Variants in CLASP1 observed in about 807,000 individuals in gnomAD.
CLASP1 encodes the protein CLIP-associating protein 1.
A neutral mutation model predicts 192.3 loss-of-function variants in CLASP1; 38 were observed. The ratio of observed to expected loss-of-function variants is 0.20; its 90% CI spans 0.15 to 0.26. CLASP1 has a LOEUF of 0.26. Ranked by LOEUF, CLASP1 falls within the 10% of genes least tolerant of loss-of-function variation. The pLI, the probability that CLASP1 is intolerant of heterozygous loss-of-function variation, is 1.00. For missense variants in CLASP1, 1,433 were observed against 1,932.5 expected (o/e 0.74, Z 4.85); for synonymous variants, 691 against 712.8 (o/e 0.97, Z 0.49).
At position 121,407,461 on chromosome 2, in the gene CLASP1, T is replaced by C; in HGVS notation, c.2669+10A>G. 3 of 1,613,624 alleles carry C rather than the reference T, an allele frequency of 1.9e-6. No individual in the cohort carries two copies. The South Asian group carries it at 3.3e-5, about 18-fold the overall frequency. On this transcript the variant is annotated intron_variant, in intron 25 of 39. Coordinates refer to ENST00000263710, the Ensembl canonical transcript of CLASP1. ...TCAAACTTAGCTCATATTCTTGCTG[T>C]GGTCCTCACCTCAGTGTTCTTTGGC...
chr2:121,571,815 T>C (rs1379317339), intron 2 of CLASP1, among the ~76,000 whole-genome samples: 1 of 152,190 alleles, frequency 6.6e-6, no homozygotes, highest in Admixed American at 6.5e-5. Flanking sequence ...AAGAATGGCA[T>C]GTTTAGGACA....
intron 8 of CLASP1, among the ~76,000 whole-genome samples, chr2:121,493,172 C>T (rs1329045689): frequency 6.6e-6 from 1 of 152,116 alleles, no homozygotes; most frequent in Non-Finnish European, 1.5e-5. Context: ...CCACAAAAGA[C>T]TCAGAATAGC....
intron 1 of CLASP1, among the ~76,000 whole-genome samples, chr2:121,631,937 C>T (rs2069746777): frequency 6.6e-6 from 1 of 151,998 alleles, no homozygotes; most frequent in African/African-American, 2.4e-5. Context: ...ATCCCAGCTA[C>T]TCGGGAGGCT....
chr2:121,611,797 G>A (rs1295564044), intron 1 of CLASP1, among the ~76,000 whole-genome samples: 1 of 149,306 alleles, frequency 6.7e-6, no homozygotes, highest in African/African-American at 2.5e-5. Flanking sequence ...AGAGGAACTG[G>A]AGGATGATGA....
At chr2:121,402,803 A>C (rs1177965172) in intron 26 of CLASP1, 1 of 386,488 alleles carries the variant, frequency 2.6e-6, no homozygotes, top group African/African-American at 2.1e-5. Flanking sequence ...AATCTTGATA[A>C]ATTTTATCTT....
chr2:121,594,614 A>G (rs561778532), intron 2 of CLASP1, among the ~76,000 whole-genome samples: 2 of 152,138 alleles, frequency 1.3e-5, no homozygotes, highest in South Asian at 2.1e-4. Flanking sequence ...AATGGTCTCC[A>G]TCTCCTGACC....
chr2:121,644,541 G>C (rs2072776898), intron 1 of CLASP1, among the ~76,000 whole-genome samples: 1 of 152,118 alleles, frequency 6.6e-6, no homozygotes. Context: ...GTAGTCCCAA[G>C]CTACTCAGGA....
intron 20 of CLASP1, 71 bp downstream of exon 20, chr2:121,430,001 TA>T (rs2149640537): frequency 2.6e-6 from 3 of 1,172,312 alleles, no homozygotes; most frequent in Non-Finnish European, 3.7e-6. Context: ...ATAGAGATTG[TA>T]AAATGTTCAA....
At chr2:121,385,022 T>C (rs758338003) in intron 32 of CLASP1, among the ~76,000 whole-genome samples, 8 of 152,194 alleles carry the variant, frequency 5.3e-5, no homozygotes, top group Non-Finnish European at 1.0e-4. Context: ...TTAAGAGCAA[T>C]GCTCAGAAAA....
chr2:121,589,033 T>C (rs561766023), intron 2 of CLASP1, among the ~76,000 whole-genome samples: 2 of 152,046 alleles, frequency 1.3e-5, no homozygotes, highest in South Asian at 2.1e-4. Flanking sequence ...AAGATGTGAG[T>C]TGGGGTCATA....
At chr2:121,508,258 T>G (rs570805874) in intron 7 of CLASP1, among the ~76,000 whole-genome samples, 2 of 152,212 alleles carry the variant, frequency 1.3e-5, no homozygotes, top group Admixed American at 1.3e-4. Context: ...CAGAGCTAAG[T>G]AGAAGTTTTT....
exon 40 of CLASP1, chr2:121,340,866 T>C (rs2062697073): frequency 1.2e-6 from 2 of 1,610,852 alleles, no homozygotes; most frequent in Non-Finnish European, 1.7e-6. Context: ...TGCCATTAGC[T>C]GTGCGTGGAG....
intron 2 of CLASP1, among the ~76,000 whole-genome samples, chr2:121,556,069 T>A (rs2058537486): frequency 1.5e-5 from 2 of 135,864 alleles, no homozygotes; most frequent in Non-Finnish European, 3.1e-5. Context: ...CTGTCACCTC[T>A]GCCTCCCAGG....
intron 8 of CLASP1, among the ~76,000 whole-genome samples, chr2:121,478,845 A>AC (rs1559368153): frequency 1.3e-3 from 90 of 70,392 alleles, no homozygotes; most frequent in African/African-American, 4.2e-3. Context: ...CACCACACAC[A>AC]CACCACACAC....
chr2:121,347,191 A>C (rs2063552482), intron 38 of CLASP1, 37 bp from the exon 40 acceptor site: 1 of 1,377,514 alleles, frequency 7.3e-7, no homozygotes. Context: ...AGGAAACCAG[A>C]TCAAAGATTC....
intron 30 of CLASP1, among the ~76,000 whole-genome samples, chr2:121,389,257 G>T (rs2073912530): frequency 6.6e-6 from 1 of 151,706 alleles, no homozygotes; most frequent in South Asian, 2.1e-4. Context: ...TTAAATAAGT[G>T]GTCATAATAT....
At chr2:121,528,680 G>A (rs1305749410) in exon 4 of CLASP1, 4 of 1,613,886 alleles carry the variant, frequency 2.5e-6, no homozygotes, top group Non-Finnish European at 2.5e-6. Context: ...CCCCTACCTG[G>A]GGATTAGCAG....
At chr2:121,541,020 T>C (rs987537012) in intron 2 of CLASP1, among the ~76,000 whole-genome samples, 15 of 152,204 alleles carry the variant, frequency 9.9e-5, no homozygotes, top group African/African-American at 3.6e-4. Flanking sequence ...GCACATTCTA[T>C]ACACACTTCA....
intron 8 of CLASP1, among the ~76,000 whole-genome samples, chr2:121,492,085 T>G (rs2093333719): frequency 6.6e-6 from 1 of 152,104 alleles, no homozygotes; most frequent in Non-Finnish European, 1.5e-5. Flanking sequence ...ATTTAAAACC[T>G]TTATACACCA....
Sources: gnomAD v4.1 joint callset for allele counts (sites outside exome capture counted in the v4.1 genomes callset) on GRCh38, gnomAD v4.1.1 for gene constraint, MANE v1.5 for transcripts, NCBI Gene and HGNC (gene_info 2026-07-23, HGNC 2026-07-21) for gene names.